ARHGAP39: variants seen among roughly 807,000 people sequenced by gnomAD.
ARHGAP39 encodes the protein rho GTPase-activating protein 39.
ARHGAP39 carries 44 observed loss-of-function variants against 106.9 expected under a neutral mutation model. The ratio of observed to expected loss-of-function variants is 0.41; its 90% CI spans 0.32 to 0.53. The LOEUF is 0.53. Among genes scored for constraint, ARHGAP39 ranks in the 20% least tolerant of loss-of-function variants. The pLI, the probability that ARHGAP39 is intolerant of heterozygous loss-of-function variation, is 0.21. For missense variants in ARHGAP39, 1,496 were observed against 1,577.3 expected, an observed-to-expected ratio of 0.95 and a Z score of 0.87; for synonymous variants, 768 against 693.2, an observed-to-expected ratio of 1.11 and a Z score of -1.69.
chr8:144,661,282 G>A (rs1156640827), intron 1 of ARHGAP39, among the ~76,000 whole-genome samples: 1 of 152,156 alleles, frequency 6.6e-6, no homozygotes, highest in Non-Finnish European at 1.5e-5. Flanking sequence ...CCAAAGCTCT[G>A]TGAGCAACAT....
chr8:144,551,214 T>TG (rs1008580698), intron 4 of ARHGAP39, among the ~76,000 whole-genome samples: 5 of 65,346 alleles, frequency 7.7e-5, no homozygotes, highest in African/African-American at 1.2e-4. Flanking sequence ...TGGGGGAGGA[T>TG]GGGGGGCTGG....
intron 2 of ARHGAP39, among the ~76,000 whole-genome samples, chr8:144,592,263 A>G (rs1288808067): frequency 6.6e-6 from 1 of 151,192 alleles, no homozygotes; most frequent in African/African-American, 2.4e-5. Context: ...ACCCTCGGGA[A>G]ACCTGAGGGC....
rs1421439990 is a variant in ARHGAP39 at position 144,530,801 on chromosome 8, G to A, written c.3051C>T (p.Cys1017=). 2 of 1,611,914 alleles carry A rather than the reference G, an allele frequency of 1.2e-6. No individual in the cohort carries two copies. Among genetic ancestry groups the A allele is most frequent in the African/African-American group, 1.3e-5 (1 of 74,922 alleles). Residue 1017 remains cysteine (C), a synonymous_variant, in exon 11 of 12, where the codon TGC becomes TGT. Coordinates refer to ENST00000377307, the MANE Select transcript of ARHGAP39 (RefSeq NM_025251.3). ...PLIPHEFYEQ[C]IAHYDSPEAA... ...CCTCGGGGCTGTCGTAGTGCGCGAT[G>A]CACTGCTCGTAGAACTCGTGCGGGA...
chr8:144,620,748 C>T (rs556331609), intron 1 of ARHGAP39, among the ~76,000 whole-genome samples: 67 of 152,364 alleles, frequency 4.4e-4, no homozygotes, highest in East Asian at 2.7e-3. Flanking sequence ...CCCTGAGCAC[C>T]GCCTGTGCCC....
intron 6 of ARHGAP39, among the ~76,000 whole-genome samples, chr8:144,543,153 T>C (rs1228713278): frequency 2.6e-5 from 4 of 151,980 alleles, no homozygotes; most frequent in African/African-American, 4.8e-5. Context: ...TTTTAAAATT[T>C]TTCATAAAGA....
At chr8:144,543,553 C>T (rs891456655) in intron 6 of ARHGAP39, among the ~76,000 whole-genome samples, 3 of 152,226 alleles carry the variant, frequency 2.0e-5, no homozygotes, top group East Asian at 1.9e-4. Context: ...GCCCCAGCCC[C>T]GCTGTCACTC....
At chr8:144,532,268 C>T in intron 10 of ARHGAP39, 37 bp downstream of exon 10, 1 of 1,602,650 alleles carries the variant, frequency 6.2e-7, no homozygotes, top group South Asian at 1.1e-5. Context: ...CTGCCTGAGC[C>T]AGGCCCGCTC....
intron 1 of ARHGAP39, among the ~76,000 whole-genome samples, chr8:144,677,338 A>G (rs1031446878): frequency 6.6e-6 from 1 of 152,234 alleles, no homozygotes; most frequent in Non-Finnish European, 1.5e-5. Flanking sequence ...TTGACCTACT[A>G]TATTATTTAA....
chr8:144,686,943 C>T (rs1822609895), upstream of ARHGAP39, among the ~76,000 whole-genome samples: 1 of 55,866 alleles, frequency 1.8e-5, no homozygotes, highest in Admixed American at 1.5e-4. Flanking sequence ...ATTTCCCACC[C>T]CTGTGACCAC....
chr8:144,642,357 G>C (rs569810979), intron 1 of ARHGAP39, among the ~76,000 whole-genome samples: 1 of 152,004 alleles, frequency 6.6e-6, no homozygotes, highest in Non-Finnish European at 1.5e-5. Flanking sequence ...CATGGTGGCG[G>C]GCGCCTGTAG....
chr8:144,590,816 C>A (rs1819364354), intron 2 of ARHGAP39, among the ~76,000 whole-genome samples: 1 of 152,090 alleles, frequency 6.6e-6, no homozygotes, highest in Admixed American at 6.5e-5. Context: ...GAGACCCCAG[C>A]CAGGCCAGAG....
At chr8:144,601,021 C>CATGT (rs1819889131) in intron 2 of ARHGAP39, among the ~76,000 whole-genome samples, 2 of 102,520 alleles carry the variant, frequency 2.0e-5, no homozygotes, top group African/African-American at 3.9e-5. Context: ...TGCGTGGAGG[C>CATGT]GTGTGCTCGT....
At chr8:144,600,987 TGC>T (rs1819886152) in intron 2 of ARHGAP39, among the ~76,000 whole-genome samples, 1 of 142,442 alleles carries the variant, frequency 7.0e-6, no homozygotes, top group Non-Finnish European at 1.5e-5. Context: ...GAGGTGTGTG[TGC>T]GAGCTCATGT....
chr8:144,565,581 C>T (rs778384585), intron 3 of ARHGAP39, among the ~76,000 whole-genome samples: 95 of 151,632 alleles, frequency 6.3e-4, no homozygotes, highest in African/African-American at 2.2e-3. Context: ...CCCAGCCACT[C>T]GGGAGGCTGA....
intron 2 of ARHGAP39, among the ~76,000 whole-genome samples, chr8:144,595,689 G>A (rs887183170): frequency 2.0e-5 from 3 of 152,120 alleles, no homozygotes; most frequent in Admixed American, 6.5e-5. Context: ...GAGGCTGAAC[G>A]GGGCCACCAG....
chr8:144,545,869 C>T (rs1371153277), intron 5 of ARHGAP39, 59 bp from the exon 6 acceptor site: 1 of 1,398,576 alleles, frequency 7.2e-7, no homozygotes, highest in Admixed American at 2.6e-5. Flanking sequence ...GCAGGTGGGC[C>T]CACTGGGCCA....
chr8:144,530,665 A>AGGGGGGGGGGGGGGGG, intron 11 of ARHGAP39, 37 bp downstream of exon 11: 1 of 913,528 alleles, frequency 1.1e-6, no homozygotes, highest in Admixed American at 4.1e-5. Flanking sequence ...CGGGGCGGGG[A>AGGGGGGGGGGGGGGGG]GGGGAAAGCA....
chr8:144,611,798 T>C lies in ARHGAP39; in HGVS notation c.-81-6103A>G, dbSNP rs529620334. On this transcript the variant is annotated intron_variant, in intron 1 of 11. Coordinates refer to ENST00000377307, the MANE Select transcript of ARHGAP39 (RefSeq NM_025251.3). ...TGGGAGGCTGAAGCAGGAGGATCCC[T>C]TGAGGCCAGGAGTTCAAGACCAGCC... is the stretch of plus-strand genomic sequence containing the variant. 1.8e-3 allele frequency among the ~76,000 whole-genome samples: 272 copies of C among 152,166 alleles called. 1 individual carries two copies. Among genetic ancestry groups the C allele is most frequent in the African/African-American group, 6.4e-3 (266 of 41,504 alleles).
chr8:144,602,891 G>A (rs1820101488), intron 2 of ARHGAP39, among the ~76,000 whole-genome samples: 1 of 134,414 alleles, frequency 7.4e-6, no homozygotes, highest in South Asian at 2.5e-4. Context: ...GTGTGTGTGA[G>A]AGCTCATGTA....
Sources: allele counts gnomAD v4.1 joint callset (sites outside exome capture counted in the v4.1 genomes callset), GRCh38; gene constraint gnomAD v4.1.1; transcripts MANE v1.5; gene names NCBI Gene and HGNC (gene_info 2026-07-23, HGNC 2026-07-21).